ECI2: variants seen among roughly 807,000 people sequenced by gnomAD.
ECI2 encodes D3,D2-enoyl-CoA isomerase.
In ECI2, 27 loss-of-function variants were observed where a neutral mutation model predicts 38.4. That is an observed-to-expected ratio of 0.70 (90% CI 0.52 to 0.97). The LOEUF (loss-of-function observed/expected upper bound fraction) is 0.97. ECI2 is among the 50% of genes least tolerant of loss of function. The probability of loss-of-function intolerance (pLI) is 0.00; values close to 1 mark genes in which losing one functional copy is unlikely to be tolerated. For synonymous variants in ECI2, 168 were observed against 172.0 expected (o/e 0.98, Z 0.18); for missense variants, 470 against 474.4 (o/e 0.99, Z 0.09).
intron 7 of ECI2, chr6:4,124,986 T>C: frequency 1.7e-6 from 1 of 574,912 alleles, no homozygotes; most frequent in Non-Finnish European, 3.3e-6. Flanking sequence ...CAGAATAACA[T>C]GAAAGCTGTA....
At chr6:4,122,097 A>C in intron 7 of ECI2, 1 of 1,155,190 alleles carries the variant, frequency 8.7e-7, no homozygotes, top group East Asian at 2.5e-5. Context: ...ATTTTCAGAA[A>C]GAGAGCAGCA....
At chr6:4,117,485 C>T (rs1288955907) in intron 8 of ECI2, 34 bp from the exon 9 acceptor site, 3 of 1,599,518 alleles carry the variant, frequency 1.9e-6, no homozygotes, top group Non-Finnish European at 2.6e-6. Flanking sequence ...GGTTAAGATA[C>T]TAACTTAATA....
chr6:4,132,573 A>AT (rs1773550534), intron 2 of ECI2, among the ~76,000 whole-genome samples: 1 of 152,228 alleles, frequency 6.6e-6, no homozygotes, highest in Non-Finnish European at 1.5e-5. Context: ...AGAAAAATAG[A>AT]TAACACAGGA....
chr6:4,132,173 T>C (rs1040037220), intron 2 of ECI2, among the ~76,000 whole-genome samples: 3 of 152,168 alleles, frequency 2.0e-5, no homozygotes, highest in African/African-American at 7.2e-5. Context: ...ATTAGAATCA[T>C]CCAAGGGAGG....
Position 4,127,771 on chromosome 6 carries a change from C to G in ECI2, c.562G>C (p.Val188Leu). 6.2e-7 allele frequency: 1 copy of G among 1,612,940 alleles called. No individual in the cohort carries two copies. The highest frequency in any genetic ancestry group is 8.5e-7 in the Non-Finnish European group (1 of 1,179,430). The part of the protein sequence containing the change: ...AASKDDSIIT[V>L]LTGNGDYYSS... ...TGAGAAAATGTCTTACCTGTTAAAA[C>G]AGTGATGATTGAGTCATCCTTGCTG... Residue 188 changes from valine (V) to leucine (L), a missense_variant, in exon 5 of 10, where the codon GTT (valine) becomes CTT (leucine). Coordinates refer to ENST00000380118, the MANE Select transcript of ECI2 (RefSeq NM_206836.3).
At chr6:4,128,047 G>A (rs1466965803) in intron 4 of ECI2, among the ~76,000 whole-genome samples, 14 of 152,150 alleles carry the variant, frequency 9.2e-5, no homozygotes, top group Admixed American at 9.2e-4. Flanking sequence ...CTGGTGCTAT[G>A]GCAGGAGCTG....
At chr6:4,117,581 G>C (rs1772366857) in intron 8 of ECI2, 130 bp from the exon 9 acceptor site, 1 of 1,316,268 alleles carries the variant, frequency 7.6e-7, no homozygotes, top group African/African-American at 1.5e-5. Context: ...CTCAGTAAGG[G>C]AGAAGCTGAT....
At position 4,121,891 on chromosome 6, in the gene ECI2, T is replaced by A. The variant is rs987029335; in HGVS notation, c.796-2616A>T. ...ATATGCAGCATATACATAAAAATAA[T>A]CACAATATTTTTAAAAGTTTCTGTT... is the stretch of plus-strand genomic sequence containing the variant. On this transcript the variant is annotated intron_variant, in intron 7 of 9. Coordinates refer to ENST00000380118, the MANE Select transcript of ECI2 (RefSeq NM_206836.3). The A allele has an allele frequency of 5.2e-6, 5 of 953,582 alleles. No homozygotes were observed. In the African/African-American group the frequency reaches 8.4e-5, roughly 16 times the overall value. 59.1% of individuals were successfully genotyped at this position (953,582 alleles called of 1,614,324 possible). A position where few individuals can be genotyped will look rare whatever the true frequency, so the allele number is the denominator to read the frequency against.
chr6:4,117,078 T>C (rs1340452791), intron 9 of ECI2, among the ~76,000 whole-genome samples: 1 of 135,106 alleles, frequency 7.4e-6, no homozygotes, highest in Non-Finnish European at 1.6e-5. Context: ...CCATACAGAA[T>C]TGCCCTCTGT....
At chr6:4,122,020 C>T in intron 7 of ECI2, 1 of 1,600,490 alleles carries the variant, frequency 6.2e-7, no homozygotes, top group Non-Finnish European at 8.5e-7. Flanking sequence ...AGAAACCTGC[C>T]AACAACAGCT....
Position 4,132,766 on chromosome 6 carries a change from T to C in ECI2, c.213+783A>G, listed in dbSNP as rs149595225. ...TTACTTGCTTCATCTCTCTCTCTCT[T>C]TATTTTCTTTCGTTTTTGGACAGAG... is the stretch of plus-strand genomic sequence containing the variant. On this transcript the variant is annotated intron_variant, in intron 2 of 9. Coordinates refer to ENST00000380118, the MANE Select transcript of ECI2 (RefSeq NM_206836.3). Among the ~76,000 whole-genome samples, 80 of 151,900 alleles carry C rather than the reference T, an allele frequency of 5.3e-4. 1 individual carries two copies. Among genetic ancestry groups the C allele is most frequent in the East Asian group, 1.5e-3 (8 of 5,164 alleles).
At chr6:4,119,799 G>A (rs1561649629) in intron 7 of ECI2, among the ~76,000 whole-genome samples, 1 of 152,154 alleles carries the variant, frequency 6.6e-6, no homozygotes, top group Non-Finnish European at 1.5e-5. Context: ...CTGACATGCG[G>A]AACATTTCAG....
At chr6:4,123,585 T>A (rs1262653795) in intron 7 of ECI2, among the ~76,000 whole-genome samples, 2 of 150,422 alleles carry the variant, frequency 1.3e-5, no homozygotes, top group Non-Finnish European at 1.5e-5. Context: ...AGAATAGATA[T>A]GTTTTATATG....
chr6:4,124,203 A>G (rs79378237), intron 7 of ECI2, among the ~76,000 whole-genome samples: 2,452 of 152,286 alleles, frequency 0.016, 59 homozygotes, highest in African/African-American at 0.056. Context: ...ACCTCTACCT[A>G]CAAAGGCTGG....
rs527720441 is a variant in ECI2, at chr6:4,130,468, T to C, written c.405A>G (p.Lys135=). ...CCACCAGAGTTTCAAACCCAGTTGA[T>C]TTCCTGTCTGTTCCAGGCTCCACCT... is the stretch of plus-strand genomic sequence containing the variant. ...SSQVEPGTDR[K]STGFETLVVT... Residue 135 remains lysine, a synonymous_variant, in exon 4 of 10, where the codon AAA becomes AAG. Transcript: ENST00000380118. The C allele has an allele frequency of 9.5e-5, 153 of 1,614,220 alleles. 1 individual carries two copies. The South Asian group carries it at 1.6e-3, about 17-fold the overall frequency.
At chr6:4,116,509 T>C (rs900768065) in intron 9 of ECI2, among the ~76,000 whole-genome samples, 2 of 150,836 alleles carry the variant, frequency 1.3e-5, no homozygotes, top group African/African-American at 2.4e-5. Flanking sequence ...GGTGCAATCT[T>C]GGCTCATTGC....
intron 2 of ECI2, among the ~76,000 whole-genome samples, chr6:4,133,300 A>C (rs1362922577): frequency 1.3e-5 from 2 of 152,146 alleles, no homozygotes; most frequent in African/African-American, 4.8e-5. Flanking sequence ...TAAGGTCTAC[A>C]AATGTGAATA....
chr6:4,135,165 A>T (rs1773667523), intron 1 of ECI2: 1 of 578,458 alleles, frequency 1.7e-6, no homozygotes, highest in Non-Finnish European at 3.2e-6. Flanking sequence ...CCGGCTGGGA[A>T]GTGCAGGCCC....
At chr6:4,121,007 A>G (rs983396091) in intron 7 of ECI2, among the ~76,000 whole-genome samples, 6 of 152,212 alleles carry the variant, frequency 3.9e-5, no homozygotes, top group Admixed American at 2.6e-4. Flanking sequence ...TGGTAAATGT[A>G]TATTTAGCTC....
Sources: gnomAD v4.1 joint callset for allele counts (sites outside exome capture counted in the v4.1 genomes callset) on GRCh38, gnomAD v4.1.1 for gene constraint, MANE v1.5 for transcripts, NCBI Gene and HGNC (gene_info 2026-07-23, HGNC 2026-07-21) for gene names.